Variants in SHISA9 observed in about 807,000 individuals in gnomAD.
SHISA9 encodes shisa family member 9, also known as protein shisa-9.
A neutral mutation model predicts 38.0 loss-of-function variants in SHISA9; 13 were observed. The ratio of observed to expected loss-of-function variants is 0.34; its 90% confidence interval spans 0.22 to 0.54. The LOEUF (loss-of-function observed/expected upper bound fraction) is 0.54, where lower values mean the gene tolerates loss of function less well. Ranked by LOEUF, SHISA9 falls within the 20% of genes least tolerant of loss-of-function variation. The probability of loss-of-function intolerance (pLI) is 0.91; values close to 1 mark genes in which losing one functional copy is unlikely to be tolerated. For missense variants in SHISA9, 538 were observed against 575.8 expected (o/e 0.93, Z 0.67); for synonymous variants, 275 against 242.0 (o/e 1.14, Z -1.27).
chr16:13,368,220 G>A, the SHISA9 span, among the ~76,000 whole-genome samples: 6 of 152,130 alleles, frequency 3.9e-5, no homozygotes, highest in African/African-American at 1.4e-4. Context: ...GGATGATTTT[G>A]TAACCAGAAT....
chr16:13,296,626 A>T, the SHISA9 span, among the ~76,000 whole-genome samples: 1 of 151,960 alleles, frequency 6.6e-6, no homozygotes, highest in Non-Finnish European at 1.5e-5. Flanking sequence ...TTTTATAGAT[A>T]CAATACTTGC....
At chr16:12,953,614 C>A (rs754096910) in intron 2 of SHISA9, among the ~76,000 whole-genome samples, 1 of 152,158 alleles carries the variant, frequency 6.6e-6, no homozygotes, top group African/African-American at 2.4e-5. Context: ...TCTTTTACTG[C>A]CTACAAGTAG....
chr16:13,389,983 C>T, the SHISA9 span, among the ~76,000 whole-genome samples: 1 of 152,176 alleles, frequency 6.6e-6, no homozygotes. Context: ...CTGGGTTAGG[C>T]ACCTGGCTTA....
intron 2 of SHISA9, among the ~76,000 whole-genome samples, chr16:13,088,881 C>G (rs1009889339): frequency 5.9e-5 from 9 of 152,190 alleles, no homozygotes; most frequent in African/African-American, 2.2e-4. Context: ...GCATTCTTGC[C>G]TTGTGCCAGT....
chr16:13,013,170 TG>T (rs1312387994), intron 2 of SHISA9, among the ~76,000 whole-genome samples: 1 of 152,194 alleles, frequency 6.6e-6, no homozygotes, highest in Non-Finnish European at 1.5e-5. Flanking sequence ...TCAGGAACCC[TG>T]GGGCTGGAAG....
intron 2 of SHISA9, among the ~76,000 whole-genome samples, chr16:13,189,978 A>G (rs1777368136): frequency 6.6e-6 from 1 of 152,152 alleles, no homozygotes; most frequent in Non-Finnish European, 1.5e-5. Flanking sequence ...CTAAACAGCC[A>G]TAGTAGGCTG....
At chr16:13,459,491 T>G in the SHISA9 span, among the ~76,000 whole-genome samples, 1 of 145,036 alleles carries the variant, frequency 6.9e-6, no homozygotes, top group South Asian at 2.4e-4. Flanking sequence ...TGTTCTAGCC[T>G]ATTTATTTTT....
the SHISA9 span, among the ~76,000 whole-genome samples, chr16:13,408,800 T>C: frequency 0.01 from 1,525 of 152,324 alleles, 34 homozygotes; most frequent in African/African-American, 0.036. Context: ...GATATCAAGA[T>C]ACCAAGTGAG....
chr16:13,144,954 C>T (rs1455688627), intron 2 of SHISA9, among the ~76,000 whole-genome samples: 5 of 152,118 alleles, frequency 3.3e-5, no homozygotes, highest in Non-Finnish European at 5.9e-5. Flanking sequence ...ATTTATTGAT[C>T]CCTGCAAGAA....
At chr16:13,222,114 C>G (rs2051232061) in intron 4 of SHISA9, among the ~76,000 whole-genome samples, 2 of 152,128 alleles carry the variant, frequency 1.3e-5, no homozygotes, top group Non-Finnish European at 2.9e-5. Flanking sequence ...CATCAGATCT[C>G]ATGAGACTTA....
rs886090508 is a variant in SHISA9, at chr16:13,213,237, A to G, written c.848-16A>G. 2 of 1,551,256 alleles carry G rather than the reference A, an allele frequency of 1.3e-6. No homozygotes were observed. Among genetic ancestry groups the G allele is most frequent in the Non-Finnish European group, 1.7e-6 (2 of 1,146,670 alleles). Reference sequence around the variant, plus strand: ...GCAAACAGATCATCAGCATTTCTTGATTGTTATTTTTTTAGGAAGTTCTGA... The same window carrying G: ...GCAAACAGATCATCAGCATTTCTTGGTTGTTATTTTTTTAGGAAGTTCTGA... On this transcript the variant is annotated splice_polypyrimidine_tract_variant and intron_variant, in intron 3 of 4. Transcript: ENST00000558583.
the SHISA9 span, among the ~76,000 whole-genome samples, chr16:13,269,642 G>A: frequency 3.9e-5 from 6 of 152,132 alleles, no homozygotes; most frequent in East Asian, 1.9e-4. Context: ...CAAAAATAGC[G>A]CCTTTCAGCT....
chr16:13,441,730 G>A, the SHISA9 span, among the ~76,000 whole-genome samples: 2 of 152,090 alleles, frequency 1.3e-5, no homozygotes, highest in Non-Finnish European at 2.9e-5. Flanking sequence ...CTGGCTCTGG[G>A]TCTCGTTAGC....
At chr16:13,169,420 T>C (rs2050666163) in intron 2 of SHISA9, among the ~76,000 whole-genome samples, 1 of 152,162 alleles carries the variant, frequency 6.6e-6, no homozygotes, top group African/African-American at 2.4e-5. Flanking sequence ...CTTTTAACAC[T>C]GAAAGGCCAT....
chr16:13,141,800 A>T (rs990947659), intron 2 of SHISA9, among the ~76,000 whole-genome samples: 6 of 152,216 alleles, frequency 3.9e-5, no homozygotes, highest in African/African-American at 1.4e-4. Flanking sequence ...TCAATTAAGT[A>T]GTCAACATTA....
At chr16:13,284,221 G>A in the SHISA9 span, among the ~76,000 whole-genome samples, 1 of 152,074 alleles carries the variant, frequency 6.6e-6, no homozygotes. Flanking sequence ...TATAATCACA[G>A]GACTTACCTA....
chr16:13,178,333 T>G (rs2050749132), intron 2 of SHISA9, among the ~76,000 whole-genome samples: 1 of 151,820 alleles, frequency 6.6e-6, no homozygotes, highest in Non-Finnish European at 1.5e-5. Context: ...TGGGTTTTTT[T>G]TTTTTTTCTT....
intron 2 of SHISA9, among the ~76,000 whole-genome samples, chr16:13,034,759 G>A (rs1258980952): frequency 6.6e-6 from 1 of 152,208 alleles, no homozygotes; most frequent in Non-Finnish European, 1.5e-5. Context: ...AAGAACGCTT[G>A]TGTGTTTCTT....
chr16:13,030,875 T>C (rs865915052), intron 2 of SHISA9, among the ~76,000 whole-genome samples: 4 of 152,276 alleles, frequency 2.6e-5, no homozygotes, highest in Middle Eastern at 3.4e-3. Flanking sequence ...GGCCAAAACG[T>C]GTGCGTCACT....
Sources: allele counts gnomAD v4.1 joint callset (sites outside exome capture counted in the v4.1 genomes callset), GRCh38; gene constraint gnomAD v4.1.1; transcripts MANE v1.5; gene names NCBI Gene and HGNC (gene_info 2026-07-23, HGNC 2026-07-21).